Variants in P2RX6 observed in about 807,000 individuals in gnomAD.
P2RX6 encodes the protein purinergic receptor P2X 6.
P2RX6 carries 62 observed loss-of-function variants against 54.2 expected under a neutral mutation model. The ratio of observed to expected loss-of-function variants is 1.14; its 90% CI spans 0.93 to 1.41. The LOEUF (loss-of-function observed/expected upper bound fraction) is 1.41, where lower values mean the gene tolerates loss of function less well. P2RX6 is among the 40% of genes most tolerant of loss of function. P2RX6 has a pLI of 0.00. For synonymous variants in P2RX6, 211 were observed against 231.9 expected (o/e 0.91, Z 0.82); for missense variants, 541 against 566.3 (o/e 0.96, Z 0.45).
chr22:21,015,671 T>C (rs1239230520), intron 1 of P2RX6, among the ~76,000 whole-genome samples: 1 of 151,798 alleles, frequency 6.6e-6, no homozygotes, highest in Non-Finnish European at 1.5e-5. Flanking sequence ...GGAGAGTCTG[T>C]AAGGGGGAAG....
In P2RX6 at chr22:21,015,264, T is replaced by C; in HGVS notation, c.90T>C (p.Tyr30=). Residue 30 remains tyrosine, a synonymous_variant, in exon 1 of 12, where the codon TAT becomes TAC. Coordinates refer to ENST00000413302, the MANE Select transcript of P2RX6 (RefSeq NM_005446.5). ...WGLLDYKTEK[Y]VMTRNWRVGA... The stretch of plus-strand genomic sequence containing the variant: ...TTCTGGATTATAAGACGGAGAAGTA[T>C]GTGATGACCAGGAACTGGCGGGTGG... 3 of 1,546,574 alleles carry C rather than the reference T, an allele frequency of 1.9e-6. No individual in the cohort carries two copies. Among genetic ancestry groups the C allele is most frequent in the Non-Finnish European group, 2.6e-6 (3 of 1,156,110 alleles).
In P2RX6 at chr22:21,026,458, G is replaced by A. The variant is rs139472638; in HGVS notation, c.1167G>A (p.Arg389=). Residue 389 remains arginine (R), a synonymous_variant, in exon 12 of 12, where the codon AGG becomes AGA. Coordinates refer to ENST00000413302, the MANE Select transcript of P2RX6 (RefSeq NM_005446.5). This position sits in a 1 kb window ranked among gnomAD's most constrained non-coding sequence, Gnocchi z 4.0. ...APKATANSVW[R]ELALASQARL... Reference sequence around the variant, plus strand: ...AAGCAACCGCCAACTCTGTGTGGAGGGAGCTGGCCCTTGCATCCCAAGCCC... The same window carrying A: ...AAGCAACCGCCAACTCTGTGTGGAGAGAGCTGGCCCTTGCATCCCAAGCCC... 2.0e-5 allele frequency: 32 copies of A among 1,603,916 alleles called. No individual in the cohort carries two copies. The highest frequency in any genetic ancestry group is 2.6e-5 in the Non-Finnish European group (31 of 1,175,816).
rs888787945 is a variant in P2RX6 at position 21,023,210 on chromosome 22, G to A, written c.638+12G>A. ...TTCAACTTCTCTAAGTAAGCAGAGT[G>A]GGTCTCATCTGCCCCAAGACCCTCC... On this transcript the variant is annotated intron_variant, in intron 6 of 11. Transcript: ENST00000413302. The A allele has an allele frequency of 8.1e-6, 13 of 1,613,250 alleles. No individual in the cohort carries two copies. Among genetic ancestry groups the A allele is most frequent in the African/African-American group, 1.3e-5 (1 of 74,890 alleles).
intron 1 of P2RX6, among the ~76,000 whole-genome samples, chr22:21,015,676 GGGA>G (rs1288709085): frequency 6.6e-6 from 1 of 152,084 alleles, no homozygotes; most frequent in Non-Finnish European, 1.5e-5. Context: ...GTCTGTAAGG[GGGA>G]AGCTGGATCT....
At chr22:21,024,877 T>TGTG (rs1389754509) in intron 8 of P2RX6, among the ~76,000 whole-genome samples, 8 of 86,402 alleles carry the variant, frequency 9.3e-5, no homozygotes, top group East Asian at 7.0e-4. Context: ...GTTTTTTTTG[T>TGTG]GTTTTTTTTT....
At position 21,023,552 on chromosome 22, in the gene P2RX6, A is replaced by G. The variant is rs747839921; in HGVS notation, c.824A>G (p.Asp275Gly). The change falls in exon 8 of 12, where the codon GAC (aspartate) becomes GGC (glycine). Residue 275 changes from aspartate to glycine, a missense_variant. Physicochemically the swap from Asp to Gly is moderately conservative, Grantham distance 94. Transcript: ENST00000413302. ...AGAGTTCACTGGGATTGTGACCTGGACACCGGGGACTCTGGCTGCTGGCCT... is the reference window on the plus strand; with the variant it reads ...AGAGTTCACTGGGATTGTGACCTGGGCACCGGGGACTCTGGCTGCTGGCCT... Reference protein sequence around the residue: ...GIRVHWDCDLDTGDSGCWPHY... With the variant: ...GIRVHWDCDLGTGDSGCWPHY... 6.2e-7 allele frequency: 1 copy of G among 1,613,684 alleles called. No individual in the cohort carries two copies. Among genetic ancestry groups the G allele is most frequent in the Non-Finnish European group, 8.5e-7 (1 of 1,179,784 alleles).
chr22:21,020,367 C>G lies in P2RX6; in HGVS notation c.387+2307C>G, dbSNP rs527239349. 1.1e-4 allele frequency among the ~76,000 whole-genome samples: 17 copies of G among 152,266 alleles called. No homozygotes were observed. In the South Asian group the frequency reaches 3.5e-3, roughly 32 times the overall value. On this transcript the variant is annotated intron_variant, in intron 3 of 11. Coordinates refer to ENST00000413302, the MANE Select transcript of P2RX6 (RefSeq NM_005446.5). Reference sequence around the variant, plus strand: ...AGGGATCCTGGTGCCTGATCCCTCCCTTACATGCACCATGCTCTTTATAGT... The same window carrying G: ...AGGGATCCTGGTGCCTGATCCCTCCGTTACATGCACCATGCTCTTTATAGT...
At position 21,022,472 on chromosome 22, in the gene P2RX6, C is replaced by T. The variant is rs549452321; in HGVS notation, c.388-204C>T. On this transcript the variant is annotated intron_variant, in intron 3 of 11. Coordinates refer to ENST00000413302, the MANE Select transcript of P2RX6 (RefSeq NM_005446.5). The stretch of plus-strand genomic sequence containing the variant: ...TGGCCAGGGCATTGCTCCGCTCCCT[C>T]CTCTGACCACCTCCTTTTATTTGCA... Among the ~76,000 whole-genome samples, 5 of 152,304 alleles carry T rather than the reference C, an allele frequency of 3.3e-5. 1 individual carries two copies. The South Asian group carries it at 1.0e-3, about 32-fold the overall frequency.
upstream of P2RX6, chr22:21,012,663 G>A (rs1271830678): frequency 9.9e-6 from 5 of 504,612 alleles, no homozygotes; most frequent in Non-Finnish European, 1.9e-5. Context: ...GGCGCCCTGG[G>A]ACAGACAGAG....
chr22:21,022,927 T>A lies in P2RX6; in HGVS notation c.464-15T>A. 6.2e-7 allele frequency: 1 copy of A among 1,607,090 alleles called. No individual in the cohort carries two copies. The highest frequency in any genetic ancestry group is 8.5e-7 in the Non-Finnish European group (1 of 1,173,694). On this transcript the variant is annotated splice_polypyrimidine_tract_variant and intron_variant, in intron 4 of 11. Transcript: ENST00000413302. ...CAGAGATTTGAAGGTCTGGAGTTCA[T>A]CTTTTGTTTTCTAGGTGTAAAAACA...
At chr22:21,017,697 G>A (rs1184504463) in intron 2 of P2RX6, among the ~76,000 whole-genome samples, 2 of 152,098 alleles carry the variant, frequency 1.3e-5, no homozygotes, top group East Asian at 3.9e-4. Flanking sequence ...CCTGGGTGAC[G>A]AAGTGTAATC....
Position 21,026,137 on chromosome 22 carries a change from C to A in P2RX6, c.1050+61C>A. On this transcript the variant is annotated intron_variant, in intron 10 of 11. Coordinates refer to ENST00000413302, the MANE Select transcript of P2RX6 (RefSeq NM_005446.5). The surrounding 1 kb of genome is among the most constrained non-coding windows in gnomAD (Gnocchi z 4.0). ...GTGAGTGCTGCTGACCAGGGTGTGT[C>A]CAATGCATGCTGGAGCCTCCGGTGC... is the stretch of plus-strand genomic sequence containing the variant. 1 of 1,552,134 alleles carries A rather than the reference C, an allele frequency of 6.4e-7. No homozygotes were observed. Among genetic ancestry groups the A allele is most frequent in the South Asian group, 1.2e-5 (1 of 85,868 alleles).
At chr22:21,020,577 A>C (rs1038119325) in intron 3 of P2RX6, among the ~76,000 whole-genome samples, 3 of 145,642 alleles carry the variant, frequency 2.1e-5, no homozygotes, top group Non-Finnish European at 4.5e-5. Flanking sequence ...CTTGAGCAGA[A>C]TCTTTTTTTT....
At chr22:21,016,771 C>G (rs1026605327) in intron 2 of P2RX6, among the ~76,000 whole-genome samples, 3 of 152,030 alleles carry the variant, frequency 2.0e-5, no homozygotes, top group Non-Finnish European at 4.4e-5. Flanking sequence ...TGCTCCTCCC[C>G]TCTTCTCGGC....
In P2RX6 at chr22:21,022,684, C is replaced by T. The variant is rs542262142; in HGVS notation, c.396C>T (p.Ser132=). 3.8e-5 allele frequency: 60 copies of T among 1,561,548 alleles called. No individual in the cohort carries two copies. The highest frequency in any genetic ancestry group is 1.4e-4 in the African/African-American group (10 of 73,310). Residue 132 remains serine, a synonymous_variant, in exon 4 of 12, where the codon TCC becomes TCT. Coordinates refer to ENST00000413302, the MANE Select transcript of P2RX6 (RefSeq NM_005446.5). ...TCTCTCTCCCACCTCAGCACCCGTC[C>T]GTCCCACTGGCTAACTGCTGGGTCG... ...QVQGRCPEHP[S]VPLANCWVDE...
At position 21,026,703 on chromosome 22, in the gene P2RX6, T is replaced by C. The variant is rs1228802031; in HGVS notation, c.*86T>C. The C allele has an allele frequency of 3.3e-6, 5 of 1,493,672 alleles. No individual in the cohort carries two copies. Among genetic ancestry groups the C allele is most frequent in the East Asian group, 2.5e-5 (1 of 40,382 alleles). 92.5% of individuals were successfully genotyped at this position (1,493,672 alleles called of 1,614,324 possible). ...AAGGATGAGGCCCCAGCATGGAGGA[T>C]TGGGGGTAGAATTCCACCCTTGAAC... On this transcript the variant is annotated 3_prime_UTR_variant, in exon 12 of 12. Transcript: ENST00000413302. This position sits in a 1 kb window ranked among gnomAD's most constrained non-coding sequence, Gnocchi z 4.0.
Position 21,017,826 on chromosome 22 carries a change from A to C in P2RX6, c.316-163A>C, listed in dbSNP as rs1926669467. The C allele has an allele frequency of 1.3e-5, 9 of 696,748 alleles. No homozygotes were observed. The South Asian group carries it at 1.4e-4, about 10-fold the overall frequency. 43.2% of individuals were successfully genotyped at this position (696,748 alleles called of 1,614,324 possible). A position where few individuals can be genotyped will look rare whatever the true frequency, so the allele number is the denominator to read the frequency against. ...CTTCCTGGTCTCAAAAATGGCCAGA[A>C]CCACTGCCAGCCTCCCATCTCTGCT... On this transcript the variant is annotated intron_variant, in intron 2 of 11. Coordinates refer to ENST00000413302, the MANE Select transcript of P2RX6 (RefSeq NM_005446.5).
upstream of P2RX6, chr22:21,014,138 C>T (rs1601739846): frequency 6.4e-6 from 1 of 156,136 alleles, no homozygotes; most frequent in Non-Finnish European, 1.4e-5. Context: ...TTCGGGGACC[C>T]CTGCAAGACG....
At chr22:21,021,197 G>A (rs1289373005) in intron 3 of P2RX6, among the ~76,000 whole-genome samples, 1 of 152,010 alleles carries the variant, frequency 6.6e-6, no homozygotes, top group African/African-American at 2.4e-5. Flanking sequence ...GGCTGGTCTC[G>A]AACTCCTGAG....
Sources: allele counts gnomAD v4.1 joint callset (sites outside exome capture counted in the v4.1 genomes callset), GRCh38; gene constraint gnomAD v4.1.1; non-coding constraint Gnocchi (gnomAD v3.1); transcripts MANE v1.5; gene names NCBI Gene and HGNC (gene_info 2026-07-23, HGNC 2026-07-21).